The following WWOX variants were observed in gnomAD, a reference collection of about 807,000 sequenced individuals.
The protein encoded by WWOX is WW domain containing oxidoreductase.
WWOX carries 69 observed loss-of-function variants against 46.2 expected under a neutral mutation model. The ratio of observed to expected loss-of-function variants is 1.49; its 90% CI spans 1.23 to 1.82. The LOEUF is 1.82. Ranked by LOEUF, WWOX falls within the 40% of genes most tolerant of loss-of-function variation. The pLI, the probability that WWOX is intolerant of heterozygous loss-of-function variation, is 0.00. For missense variants in WWOX, 919 were observed against 542.6 expected (o/e 1.69, Z -6.89); for synonymous variants, 359 against 202.6 (o/e 1.77, Z -6.56).
intron 5 of WWOX, chr16:78,281,197 A>G (rs901583040): frequency 1.3e-5 from 2 of 152,242 alleles, no homozygotes; most frequent in Admixed American, 6.5e-5. Flanking sequence ...AAGGGTTAAA[A>G]TGACCAGATC....
Position 78,333,043 on chromosome 16 carries a change from C to CTTTTTTTTTTTTTTTTTTTTTTTT in WWOX, c.517-53816_517-53793dup, listed in dbSNP as rs11289222. 1.5e-3 allele frequency among the ~76,000 whole-genome samples: 85 copies of CTTTTTTTTTTTTTTTTTTTTTTTT among 57,122 alleles called. 16 individuals are homozygous for CTTTTTTTTTTTTTTTTTTTTTTTT. The highest frequency in any genetic ancestry group is 2.2e-3 in the Non-Finnish European group (58 of 26,260). The allele number at this position is 57,122 out of a possible 152,430, so 37.5% of individuals were successfully genotyped here. A position where few individuals can be genotyped will look rare whatever the true frequency, so the allele number is the denominator to read the frequency against. On this transcript the variant is annotated intron_variant, in intron 5 of 8. Coordinates refer to ENST00000566780, the MANE Select transcript of WWOX (RefSeq NM_016373.4). ...CTGAGTAGCATGGAAGAGCATTATA[C>CTTTTTTTTTTTTTTTTTTTTTTTT]TTTTTTTTTTTTTTTTTTTTTTTTG...
intron 8 of WWOX, among the ~76,000 whole-genome samples, chr16:78,893,992 C>T (rs1482326513): frequency 6.9e-6 from 1 of 145,230 alleles, no homozygotes; most frequent in East Asian, 2.0e-4. Flanking sequence ...TCCCTGATTA[C>T]CATAGAGTAA....
chr16:78,997,833 C>T (rs973701384), intron 8 of WWOX, among the ~76,000 whole-genome samples: 2 of 152,078 alleles, frequency 1.3e-5, no homozygotes, highest in East Asian at 1.9e-4. Context: ...GCTGCCTTCC[C>T]GGGAATTTCT....
At chr16:78,622,511 C>G (rs2046213822) in intron 8 of WWOX, among the ~76,000 whole-genome samples, 1 of 151,142 alleles carries the variant, frequency 6.6e-6, no homozygotes, top group Non-Finnish European at 1.5e-5. Flanking sequence ...CACTGTACTC[C>G]AGCCTGGGTG....
intron 7 of WWOX, among the ~76,000 whole-genome samples, chr16:78,428,818 G>A (rs945158072): frequency 3.9e-5 from 6 of 152,182 alleles, no homozygotes; most frequent in Non-Finnish European, 5.9e-5. Flanking sequence ...ATTAGCATGG[G>A]CAACAAAGCA....
chr16:78,801,297 G>T (rs1301568224), intron 8 of WWOX, among the ~76,000 whole-genome samples: 1 of 152,128 alleles, frequency 6.6e-6, no homozygotes, highest in Admixed American at 6.5e-5. Context: ...ATCCCCTGAG[G>T]TTGGGAGTTT....
chr16:78,105,832 T>C (rs1021665051), intron 1 of WWOX, among the ~76,000 whole-genome samples: 4 of 152,114 alleles, frequency 2.6e-5, no homozygotes, highest in Non-Finnish European at 1.5e-5. Context: ...GGTTGAGTCT[T>C]GCTTTTTCGC....
At chr16:78,560,227 G>A (rs1597267347) in intron 8 of WWOX, among the ~76,000 whole-genome samples, 1 of 152,188 alleles carries the variant, frequency 6.6e-6, no homozygotes, top group Non-Finnish European at 1.5e-5. Flanking sequence ...AATTGATTCT[G>A]AAATCTGTTT....
chr16:78,225,171 C>T lies in WWOX; in HGVS notation c.516+60882C>T, dbSNP rs73570443. Among the ~76,000 whole-genome samples, 1,047 of 152,248 alleles carry T rather than the reference C, an allele frequency of 6.9e-3. 8 individuals are homozygous for T. The highest frequency in any genetic ancestry group is 0.02 in the Middle Eastern group (6 of 294). ...TACACATCCAGGCTATATGGTATAG[C>T]CTCTTCCTCCAGGGCTATGAACCTG... On this transcript the variant is annotated intron_variant, in intron 5 of 8. Coordinates refer to ENST00000566780, the MANE Select transcript of WWOX (RefSeq NM_016373.4).
At chr16:78,576,521 A>G (rs538469579) in intron 8 of WWOX, among the ~76,000 whole-genome samples, 17 of 152,314 alleles carry the variant, frequency 1.1e-4, no homozygotes, top group African/African-American at 4.1e-4. Flanking sequence ...CTGCACAACC[A>G]TGAAAGCAGT....
chr16:78,875,154 A>T (rs2044209873), intron 8 of WWOX, among the ~76,000 whole-genome samples: 1 of 152,192 alleles, frequency 6.6e-6, no homozygotes, highest in Non-Finnish European at 1.5e-5. Flanking sequence ...GTTTGAATTC[A>T]GGAATGTTGC....
At chr16:78,610,695 G>C (rs1220619060) in intron 8 of WWOX, among the ~76,000 whole-genome samples, 1 of 152,118 alleles carries the variant, frequency 6.6e-6, no homozygotes, top group Non-Finnish European at 1.5e-5. Context: ...TATTAGGTCT[G>C]AGATGTGGAA....
At chr16:79,197,256 T>A (rs1437042289) in intron 8 of WWOX, among the ~76,000 whole-genome samples, 1 of 152,160 alleles carries the variant, frequency 6.6e-6, no homozygotes, top group African/African-American at 2.4e-5. Flanking sequence ...CCTGATCTGT[T>A]TTATCATAGC....
At position 78,829,016 on chromosome 16, in the gene WWOX, T is replaced by G. The variant is rs146861168; in HGVS notation, c.1057-382592T>G. On this transcript the variant is annotated intron_variant, in intron 8 of 8. Transcript: ENST00000566780. Reference sequence around the variant, plus strand: ...ATTTAAACCCTTGGACTTCTTCTCCTTGCCATTCCACCCCATCATAAATTC... The same window carrying G: ...ATTTAAACCCTTGGACTTCTTCTCCGTGCCATTCCACCCCATCATAAATTC... Among the ~76,000 whole-genome samples the G allele has an allele frequency of 3.1e-3, 476 of 152,294 alleles. 1 individual carries two copies. The highest frequency in any genetic ancestry group is 5.5e-3 in the Non-Finnish European group (373 of 68,024).
At chr16:78,874,390 G>A (rs960103142) in intron 8 of WWOX, among the ~76,000 whole-genome samples, 2 of 152,054 alleles carry the variant, frequency 1.3e-5, no homozygotes, top group East Asian at 1.9e-4. Flanking sequence ...GAAAGCAGAC[G>A]CAGTTGCTAA....
chr16:78,740,061 G>T (rs1249272382), intron 8 of WWOX, among the ~76,000 whole-genome samples: 2 of 152,206 alleles, frequency 1.3e-5, no homozygotes, highest in East Asian at 3.9e-4. Context: ...TGACCCCACT[G>T]TGGTCACCTT....
At chr16:78,804,204 C>A (rs746653826) in intron 8 of WWOX, among the ~76,000 whole-genome samples, 1 of 151,950 alleles carries the variant, frequency 6.6e-6, no homozygotes, top group Non-Finnish European at 1.5e-5. Flanking sequence ...AACTGCAGTC[C>A]CTCCTCTATG....
At chr16:78,667,668 C>G (rs952504172) in intron 8 of WWOX, among the ~76,000 whole-genome samples, 1 of 83,956 alleles carries the variant, frequency 1.2e-5, no homozygotes, top group African/African-American at 6.9e-5. Flanking sequence ...GAGACTCCGT[C>G]TCAAAAAAAA....
At chr16:78,633,284 CAAG>C (rs779384758) in intron 8 of WWOX, among the ~76,000 whole-genome samples, 8 of 152,088 alleles carry the variant, frequency 5.3e-5, no homozygotes, top group Non-Finnish European at 8.8e-5. Context: ...AACAAAAAAA[CAAG>C]AAGTTAAGGA....
Sources: gnomAD v4.1 joint callset for allele counts (sites outside exome capture counted in the v4.1 genomes callset) on GRCh38, gnomAD v4.1.1 for gene constraint, MANE v1.5 for transcripts, NCBI Gene and HGNC (gene_info 2026-07-23, HGNC 2026-07-21) for gene names.